RGS7BP: variants seen among roughly 807,000 people sequenced by gnomAD.
The protein encoded by RGS7BP is regulator of G protein signaling 7-binding protein.
A neutral mutation model predicts 31.3 loss-of-function variants in RGS7BP; 9 were observed. The ratio of observed to expected loss-of-function variants is 0.29; its 90% confidence interval spans 0.17 to 0.50. RGS7BP has a LOEUF of 0.50. RGS7BP is among the 20% of genes least tolerant of loss of function. The probability of loss-of-function intolerance (pLI) is 0.98; values close to 1 mark genes in which losing one functional copy is unlikely to be tolerated. For missense variants in RGS7BP, 274 were observed against 322.0 expected (o/e 0.85, Z 1.14); for synonymous variants, 115 against 120.1 (o/e 0.96, Z 0.28).
chr5:64,527,490 C>T (rs1382590188), intron 2 of RGS7BP, among the ~76,000 whole-genome samples: 2 of 151,940 alleles, frequency 1.3e-5, no homozygotes, highest in African/African-American at 4.8e-5. Context: ...GCCAAGATTT[C>T]AGCTGGGTAA....
intron 2 of RGS7BP, among the ~76,000 whole-genome samples, chr5:64,553,118 T>C (rs557833670): frequency 7.2e-5 from 11 of 152,196 alleles, no homozygotes; most frequent in African/African-American, 2.6e-4. Context: ...AGTTAATCTT[T>C]CAGATGACTT....
At chr5:64,569,015 G>T (rs761622754) in intron 2 of RGS7BP, among the ~76,000 whole-genome samples, 9 of 152,076 alleles carry the variant, frequency 5.9e-5, no homozygotes, top group Non-Finnish European at 1.2e-4. Flanking sequence ...CCCCTCTGAG[G>T]CCTGTTGCTT....
At chr5:64,592,287 C>G (rs1178164333) in intron 3 of RGS7BP, among the ~76,000 whole-genome samples, 1 of 152,136 alleles carries the variant, frequency 6.6e-6, no homozygotes, top group Non-Finnish European at 1.5e-5. Flanking sequence ...TGAGGGCCAA[C>G]ATTCACGGTT....
chr5:64,563,601 A>G (rs1477001072), intron 2 of RGS7BP, among the ~76,000 whole-genome samples: 3 of 152,162 alleles, frequency 2.0e-5, no homozygotes, highest in Non-Finnish European at 4.4e-5. Flanking sequence ...GTAGAAGCAC[A>G]GAGCAGTTTC....
At chr5:64,508,507 T>G (rs1396067483) in intron 2 of RGS7BP, among the ~76,000 whole-genome samples, 1 of 152,226 alleles carries the variant, frequency 6.6e-6, no homozygotes, top group Non-Finnish European at 1.5e-5. Flanking sequence ...AGATTTATCG[T>G]TTTTCTAGCC....
intron 3 of RGS7BP, among the ~76,000 whole-genome samples, chr5:64,582,032 A>AGTCATC: frequency 6.6e-6 from 1 of 152,322 alleles, no homozygotes; most frequent in Admixed American, 6.5e-5. Context: ...GAATAATTTT[A>AGTCATC]GTCATCTTGT....
intron 2 of RGS7BP, among the ~76,000 whole-genome samples, chr5:64,568,399 A>C (rs1384958385): frequency 2.6e-5 from 4 of 152,208 alleles, no homozygotes; most frequent in Non-Finnish European, 4.4e-5. Flanking sequence ...GAGACTCTCA[A>C]GCCAAAAAGT....
chr5:64,527,299 A>C lies in RGS7BP; in HGVS notation c.332+19422A>C, dbSNP rs547744452. On this transcript the variant is annotated intron_variant, in intron 2 of 5. Transcript: ENST00000334025. ...AGAGCCCCCAGGGAGTTTTTTAACAATACTGCTACCTGGGCTCCACCCCAG... is the reference window on the plus strand; with the variant it reads ...AGAGCCCCCAGGGAGTTTTTTAACACTACTGCTACCTGGGCTCCACCCCAG... Among the ~76,000 whole-genome samples, 32 of 152,318 alleles carry C rather than the reference A, an allele frequency of 2.1e-4. No individual in the cohort carries two copies. The South Asian group carries it at 6.4e-3, about 31-fold the overall frequency.
chr5:64,522,697 T>C (rs1749138115), intron 2 of RGS7BP, among the ~76,000 whole-genome samples: 1 of 152,248 alleles, frequency 6.6e-6, no homozygotes, highest in Non-Finnish European at 1.5e-5. Flanking sequence ...TCTTTTGTTT[T>C]CTGAGGATGA....
chr5:64,574,468 G>C (rs778913692), intron 2 of RGS7BP, among the ~76,000 whole-genome samples: 1 of 152,080 alleles, frequency 6.6e-6, no homozygotes, highest in Non-Finnish European at 1.5e-5. Context: ...TGGCACCCAC[G>C]AGACACAAAT....
chr5:64,528,469 T>TG (rs777221705), intron 2 of RGS7BP, among the ~76,000 whole-genome samples: 4 of 152,140 alleles, frequency 2.6e-5, no homozygotes, highest in Non-Finnish European at 5.9e-5. Context: ...TTAACAAACA[T>TG]GTGACTTCAG....
intron 2 of RGS7BP, among the ~76,000 whole-genome samples, chr5:64,528,918 G>A (rs1046232599): frequency 6.6e-6 from 1 of 150,908 alleles, no homozygotes; most frequent in Non-Finnish European, 1.5e-5. Flanking sequence ...AAGGAACTAA[G>A]CAAAACATAG....
chr5:64,577,526 CAGG>C (rs1371005723), intron 3 of RGS7BP, among the ~76,000 whole-genome samples: 1 of 152,200 alleles, frequency 6.6e-6, no homozygotes, highest in African/African-American at 2.4e-5. Context: ...GCTCCAGAGA[CAGG>C]AGAACATTTT....
chr5:64,522,080 A>G (rs1749120470), intron 2 of RGS7BP, among the ~76,000 whole-genome samples: 1 of 152,198 alleles, frequency 6.6e-6, no homozygotes, highest in African/African-American at 2.4e-5. Flanking sequence ...GACCTCCCCT[A>G]TGAGGACTAC....
chr5:64,604,076 ACT>A (rs1743291911), intron 5 of RGS7BP, among the ~76,000 whole-genome samples: 1 of 152,076 alleles, frequency 6.6e-6, no homozygotes, highest in African/African-American at 2.4e-5. Flanking sequence ...ATTCTAAGTA[ACT>A]CTGTTTTGGA....
At chr5:64,555,514 G>C (rs1331010581) in intron 2 of RGS7BP, among the ~76,000 whole-genome samples, 6 of 151,958 alleles carry the variant, frequency 3.9e-5, no homozygotes, top group African/African-American at 1.5e-4. Context: ...ATACAATGGG[G>C]GAAACTGCAC....
chr5:64,520,503 G>C (rs1580391091), intron 2 of RGS7BP, among the ~76,000 whole-genome samples: 1 of 152,256 alleles, frequency 6.6e-6, no homozygotes, highest in East Asian at 1.9e-4. Flanking sequence ...TGAGGCCCCA[G>C]CACTTTTCTC....
At chr5:64,591,886 C>T (rs1742928250) in intron 3 of RGS7BP, among the ~76,000 whole-genome samples, 1 of 152,022 alleles carries the variant, frequency 6.6e-6, no homozygotes. Context: ...TGGTAGTAGA[C>T]TTATAGAATT....
intron 2 of RGS7BP, among the ~76,000 whole-genome samples, chr5:64,556,919 A>G (rs546032605): frequency 6.6e-6 from 1 of 152,100 alleles, no homozygotes; most frequent in Non-Finnish European, 1.5e-5. Context: ...ATTAGACAAC[A>G]TGTTTAAATT....
Sources: allele counts gnomAD v4.1 joint callset (sites outside exome capture counted in the v4.1 genomes callset), GRCh38; gene constraint gnomAD v4.1.1; transcripts MANE v1.5; gene names NCBI Gene and HGNC (gene_info 2026-07-23, HGNC 2026-07-21).